Variants in LINGO2 observed in about 807,000 individuals in gnomAD.
LINGO2 encodes the protein leucine rich repeat and Ig domain containing 2.
LINGO2 carries 14 observed loss-of-function variants against 30.6 expected under a neutral mutation model. That is an observed-to-expected ratio of 0.46 (90% CI 0.30 to 0.72). The LOEUF (loss-of-function observed/expected upper bound fraction) is 0.72, where lower values mean the gene tolerates loss of function less well. Ranked by LOEUF, LINGO2 falls within the 30% of genes least tolerant of loss-of-function variation. The probability of loss-of-function intolerance (pLI) is 0.07; values close to 1 mark genes in which losing one functional copy is unlikely to be tolerated. For missense variants in LINGO2, 729 were observed against 751.7 expected (o/e 0.97, Z 0.35); for synonymous variants, 317 against 288.5 (o/e 1.10, Z -1.00).
the LINGO2 span, among the ~76,000 whole-genome samples, chr9:28,740,718 G>T: frequency 6.6e-6 from 1 of 151,844 alleles, no homozygotes; most frequent in Non-Finnish European, 1.5e-5. Flanking sequence ...TTCAAAACAT[G>T]TTTTGAAATA....
intron 1 of LINGO2, among the ~76,000 whole-genome samples, chr9:28,486,688 C>T (rs1224876337): frequency 6.8e-6 from 1 of 146,328 alleles, no homozygotes; most frequent in Non-Finnish European, 1.5e-5. Flanking sequence ...TCTATGAGGC[C>T]TCCAAACAAA....
intron 3 of LINGO2, among the ~76,000 whole-genome samples, chr9:28,372,625 A>G (rs375543413): frequency 0.024 from 3,130 of 132,648 alleles, 32 homozygotes; most frequent in Middle Eastern, 0.085. Flanking sequence ...AATTCTAACT[A>G]ATTATAGAGT....
At chr9:29,087,459 A>C in the LINGO2 span, among the ~76,000 whole-genome samples, 158 of 152,320 alleles carry the variant, frequency 1.0e-3, 1 homozygote, top group African/African-American at 3.6e-3. Context: ...AAAGAAGCTC[A>C]AAGATAGTAG....
chr9:28,165,317 G>T (rs1449198661), intron 4 of LINGO2, among the ~76,000 whole-genome samples: 1 of 152,132 alleles, frequency 6.6e-6, no homozygotes, highest in East Asian at 1.9e-4. Flanking sequence ...ACTGAATTTT[G>T]TTTCTTCACT....
chr9:27,969,043 C>T (rs986975084), intron 5 of LINGO2, among the ~76,000 whole-genome samples: 1 of 151,796 alleles, frequency 6.6e-6, no homozygotes, highest in African/African-American at 2.4e-5. Context: ...AATATACATG[C>T]TAATTATCCT....
intron 1 of LINGO2, among the ~76,000 whole-genome samples, chr9:28,615,077 T>G (rs945489581): frequency 2.0e-5 from 3 of 152,134 alleles, no homozygotes; most frequent in Non-Finnish European, 4.4e-5. Context: ...TTTTAAATTT[T>G]CTGTACCCTA....
chr9:28,842,733 C>T, the LINGO2 span, among the ~76,000 whole-genome samples: 1 of 151,972 alleles, frequency 6.6e-6, no homozygotes, highest in Admixed American at 6.5e-5. Flanking sequence ...CAAATATTTA[C>T]ATACTTATTT....
At chr9:28,927,282 T>A in the LINGO2 span, among the ~76,000 whole-genome samples, 1 of 152,214 alleles carries the variant, frequency 6.6e-6, no homozygotes, top group African/African-American at 2.4e-5. Context: ...TTTCATTCTA[T>A]GCTTTCTCTA....
intron 3 of LINGO2, among the ~76,000 whole-genome samples, chr9:28,331,746 T>A (rs2134347270): frequency 6.6e-6 from 1 of 152,266 alleles, no homozygotes; most frequent in African/African-American, 2.4e-5. Context: ...GCTCAAGCAA[T>A]CCTCCTGTCT....
chr9:28,082,952 T>C (rs1347393457), intron 4 of LINGO2, among the ~76,000 whole-genome samples: 1 of 152,170 alleles, frequency 6.6e-6, no homozygotes, highest in Non-Finnish European at 1.5e-5. Context: ...CTGATCATTA[T>C]TGTCCCCTCC....
At chr9:28,807,482 A>G in the LINGO2 span, among the ~76,000 whole-genome samples, 1 of 152,226 alleles carries the variant, frequency 6.6e-6, no homozygotes, top group Admixed American at 6.5e-5. Flanking sequence ...ATAGTAACTG[A>G]ATTAAGCCTC....
At chr9:27,979,195 T>A (rs1283148795) in intron 5 of LINGO2, among the ~76,000 whole-genome samples, 2 of 151,960 alleles carry the variant, frequency 1.3e-5, no homozygotes, top group Non-Finnish European at 2.9e-5. Context: ...TAAGGCTGAG[T>A]GTGTGGGCTC....
intron 1 of LINGO2, among the ~76,000 whole-genome samples, chr9:28,579,896 T>G (rs2135643815): frequency 6.6e-6 from 1 of 152,242 alleles, no homozygotes; most frequent in Middle Eastern, 3.4e-3. Flanking sequence ...TTTTCTTAGC[T>G]AGAGAGGGAA....
At chr9:28,847,915 A>G in the LINGO2 span, among the ~76,000 whole-genome samples, 2 of 120,592 alleles carry the variant, frequency 1.7e-5, no homozygotes, top group African/African-American at 6.6e-5. Flanking sequence ...ATATACACAC[A>G]TATGTGTGTA....
intron 4 of LINGO2, among the ~76,000 whole-genome samples, chr9:28,184,485 C>A (rs940673080): frequency 1.3e-5 from 2 of 149,180 alleles, no homozygotes; most frequent in Non-Finnish European, 3.0e-5. Flanking sequence ...TCTTAAGGTT[C>A]GACTTAAAAA....
chr9:28,807,460 C>G, the LINGO2 span, among the ~76,000 whole-genome samples: 1 of 152,122 alleles, frequency 6.6e-6, no homozygotes, highest in African/African-American at 2.4e-5. Flanking sequence ...ATTTCTAAAA[C>G]TAAGTTCAAG....
At chr9:28,132,403 C>T (rs927194315) in intron 4 of LINGO2, among the ~76,000 whole-genome samples, 2 of 152,098 alleles carry the variant, frequency 1.3e-5, no homozygotes, top group African/African-American at 4.8e-5. Context: ...TTTCTCCCAA[C>T]TCAATTGCAT....
intron 1 of LINGO2, among the ~76,000 whole-genome samples, chr9:28,571,546 T>C (rs1035287977): frequency 6.6e-6 from 1 of 152,044 alleles, no homozygotes; most frequent in Non-Finnish European, 1.5e-5. Flanking sequence ...AGTCCCATTA[T>C]ATAAATTAAG....
At chr9:28,322,622 T>A (rs919220556) in intron 3 of LINGO2, among the ~76,000 whole-genome samples, 3 of 152,214 alleles carry the variant, frequency 2.0e-5, no homozygotes, top group Non-Finnish European at 4.4e-5. Flanking sequence ...AAGTCAGATC[T>A]GTTTGGATCC....
Sources: allele counts gnomAD v4.1 joint callset (sites outside exome capture counted in the v4.1 genomes callset), GRCh38; gene constraint gnomAD v4.1.1; transcripts MANE v1.5; gene names NCBI Gene and HGNC (gene_info 2026-07-23, HGNC 2026-07-21).